Variants in ROBO1 observed in about 807,000 individuals in gnomAD.
The protein encoded by ROBO1 is roundabout homolog 1.
A neutral mutation model predicts 195.9 loss-of-function variants in ROBO1; 149 were observed. The observed-to-expected ratio is 0.76, with a 90% CI of 0.67 to 0.87. The LOEUF is 0.87. Among genes scored for constraint, ROBO1 ranks in the 40% least tolerant of loss-of-function variants. The probability of loss-of-function intolerance (pLI) is 0.00; values close to 1 mark genes in which losing one functional copy is unlikely to be tolerated. For missense variants in ROBO1, 1,933 were observed against 2,068.3 expected, an observed-to-expected ratio of 0.93 and a Z score of 1.27; for synonymous variants, 816 against 733.2, an observed-to-expected ratio of 1.11 and a Z score of -1.82.
chr3:79,666,617 C>G (rs533163247), intron 1 of ROBO1, among the ~76,000 whole-genome samples: 1 of 151,960 alleles, frequency 6.6e-6, no homozygotes, highest in East Asian at 2.0e-4. Context: ...TCCACTTTCA[C>G]TTGACTCTCA....
intron 2 of ROBO1, among the ~76,000 whole-genome samples, chr3:79,444,512 G>A (rs962582649): frequency 6.6e-6 from 1 of 152,104 alleles, no homozygotes; most frequent in African/African-American, 2.4e-5. Flanking sequence ...CTGCTAGTAA[G>A]AGTGGAAATT....
intron 26 of ROBO1, among the ~76,000 whole-genome samples, chr3:78,622,618 C>A (rs1350195602): frequency 6.6e-6 from 1 of 152,156 alleles, no homozygotes; most frequent in African/African-American, 2.4e-5. Flanking sequence ...TCGCCATTCT[C>A]CCATCAAGAG....
At chr3:78,658,479 C>T (rs1174566678) in intron 17 of ROBO1, among the ~76,000 whole-genome samples, 3 of 152,142 alleles carry the variant, frequency 2.0e-5, no homozygotes, top group Admixed American at 1.3e-4. Flanking sequence ...TTAGTAGAGA[C>T]GGGCTTTCAC....
At chr3:79,624,488 T>G (rs889175068) in intron 1 of ROBO1, among the ~76,000 whole-genome samples, 1 of 150,064 alleles carries the variant, frequency 6.7e-6, no homozygotes, top group Non-Finnish European at 1.5e-5. Flanking sequence ...AGGCTCAAAA[T>G]AAAGGGATAG....
At chr3:79,755,719 A>T (rs1395972424) in intron 1 of ROBO1, among the ~76,000 whole-genome samples, 2 of 152,226 alleles carry the variant, frequency 1.3e-5, no homozygotes, top group African/African-American at 4.8e-5. Flanking sequence ...AAGAGCAATC[A>T]GTGCTCTCAC....
chr3:79,714,263 G>C (rs1702389309), intron 1 of ROBO1, among the ~76,000 whole-genome samples: 1 of 152,086 alleles, frequency 6.6e-6, no homozygotes, highest in Non-Finnish European at 1.5e-5. Context: ...CATCATCACT[G>C]GCCATCAGAG....
At chr3:78,705,908 C>A (rs2081539562) in intron 8 of ROBO1, among the ~76,000 whole-genome samples, 1 of 152,036 alleles carries the variant, frequency 6.6e-6, no homozygotes, top group African/African-American at 2.4e-5. Flanking sequence ...CTTGACCCCC[C>A]CATACCAATA....
chr3:79,036,945 A>T (rs1487811126), intron 3 of ROBO1, among the ~76,000 whole-genome samples: 1 of 152,164 alleles, frequency 6.6e-6, no homozygotes, highest in Non-Finnish European at 1.5e-5. Flanking sequence ...TTCTCATAGC[A>T]AATTGTGTCT....
At chr3:79,360,889 C>T (rs925320888) in intron 2 of ROBO1, among the ~76,000 whole-genome samples, 3 of 152,020 alleles carry the variant, frequency 2.0e-5, no homozygotes, top group African/African-American at 7.2e-5. Flanking sequence ...GAAATAAGTG[C>T]TACCCTTAAA....
chr3:79,201,624 A>T (rs570388324), intron 2 of ROBO1, among the ~76,000 whole-genome samples: 1 of 152,082 alleles, frequency 6.6e-6, no homozygotes, highest in South Asian at 2.1e-4. Context: ...AGTTGGCCAG[A>T]CCAAGTCTTA....
At chr3:78,706,916 C>T (rs1224911832) in intron 8 of ROBO1, among the ~76,000 whole-genome samples, 1 of 152,044 alleles carries the variant, frequency 6.6e-6, no homozygotes, top group Non-Finnish European at 1.5e-5. Flanking sequence ...TGTCTGCAGG[C>T]TGCATTGCCA....
intron 1 of ROBO1, among the ~76,000 whole-genome samples, chr3:79,684,972 G>A (rs988902794): frequency 6.6e-6 from 1 of 152,084 alleles, no homozygotes; most frequent in African/African-American, 2.4e-5. Context: ...GGCATTTTAA[G>A]TAGTATAATG....
intron 1 of ROBO1, among the ~76,000 whole-genome samples, chr3:79,656,740 T>TA (rs920762783): frequency 1.3e-5 from 2 of 151,064 alleles, no homozygotes; most frequent in African/African-American, 2.4e-5. Context: ...ACTAAAGAAT[T>TA]AAAAAAAATA....
In ROBO1 at chr3:79,125,514, G is replaced by T; in HGVS notation, c.114C>A (p.Asn38Lys). Reference sequence around the variant, plus strand: ...AGGTGGGGATTGGCGTCCCGTGGTCGTTCCCCCTCTCTACATCTTCAGGGT... The same window carrying T: ...AGGTGGGGATTGGCGTCCCGTGGTCTTTCCCCCTCTCTACATCTTCAGGGT... ...IPDPEDVERG[N>K]DHGTPIPTSD... Residue 38 changes from asparagine (N) to lysine (K), a missense_variant, in exon 3 of 31, where the codon AAC becomes AAA. This residue lies in a region of ROBO1 where 185 missense variants were observed against 159.5 expected (regional missense o/e 1.16). Transcript: ENST00000464233. 6.2e-7 allele frequency: 1 copy of T among 1,613,588 alleles called. No homozygotes were observed. Among genetic ancestry groups the T allele is most frequent in the Non-Finnish European group, 8.5e-7 (1 of 1,179,738 alleles).
intron 1 of ROBO1, among the ~76,000 whole-genome samples, chr3:79,735,402 A>T (rs1040303675): frequency 9.9e-5 from 15 of 152,152 alleles, no homozygotes; most frequent in African/African-American, 3.6e-4. Flanking sequence ...AGGCAGCATG[A>T]TGGAGTGAAA....
intron 2 of ROBO1, among the ~76,000 whole-genome samples, chr3:79,423,243 G>A (rs1051779466): frequency 2.6e-5 from 4 of 152,056 alleles, no homozygotes; most frequent in African/African-American, 7.2e-5. Context: ...TTAAAATGGG[G>A]GTGAGTCAAC....
At chr3:79,005,142 A>C (rs1576549475) in intron 3 of ROBO1, among the ~76,000 whole-genome samples, 1 of 152,230 alleles carries the variant, frequency 6.6e-6, no homozygotes, top group African/African-American at 2.4e-5. Flanking sequence ...TCCTATGGAC[A>C]ATAAAATGTT....
chr3:79,711,128 T>C (rs752149416), intron 1 of ROBO1, among the ~76,000 whole-genome samples: 24 of 152,174 alleles, frequency 1.6e-4, no homozygotes, highest in Non-Finnish European at 3.4e-4. Context: ...ATGTAAAGAA[T>C]ATGAATCTAC....
chr3:78,892,910 A>C (rs551746506), intron 4 of ROBO1, among the ~76,000 whole-genome samples: 1 of 152,280 alleles, frequency 6.6e-6, no homozygotes, highest in Admixed American at 6.5e-5. Context: ...CTTAAAATTC[A>C]GGACTCCTGG....
Sources: gnomAD v4.1 joint callset for allele counts (sites outside exome capture counted in the v4.1 genomes callset) on GRCh38, gnomAD v4.1.1 for gene constraint, gnomAD v4.1.1 regional missense constraint, MANE v1.5 for transcripts, NCBI Gene and HGNC (gene_info 2026-07-23, HGNC 2026-07-21) for gene names.